The following ANXA8 variants were observed in gnomAD, a reference collection of about 807,000 sequenced individuals.
ANXA8 encodes VAC-beta.
In ANXA8, 9 loss-of-function variants were observed where a neutral mutation model predicts 26.8. That is an observed-to-expected ratio of 0.34 (90% CI 0.20 to 0.59). The LOEUF (loss-of-function observed/expected upper bound fraction) is 0.59. Ranked by LOEUF, ANXA8 falls within the 20% of genes least tolerant of loss-of-function variation. The pLI is 0.84. For missense variants in ANXA8, 83 were observed against 238.5 expected (o/e 0.35, Z 4.29); for synonymous variants, 39 against 94.8 (o/e 0.41, Z 3.42).
the ANXA8 span, among the ~76,000 whole-genome samples, chr10:47,705,678 TACAC>T: frequency 6.6e-6 from 1 of 151,704 alleles, no homozygotes; most frequent in East Asian, 1.9e-4. Flanking sequence ...TTTTTACACA[TACAC>T]AGGAATTTAT....
the ANXA8 span, among the ~76,000 whole-genome samples, chr10:47,951,278 A>G: frequency 6.6e-6 from 1 of 150,952 alleles, no homozygotes; most frequent in Non-Finnish European, 1.5e-5. Context: ...TAACCGTTAA[A>G]GAAATTAACT....
At chr10:47,682,849 G>A in the ANXA8 span, among the ~76,000 whole-genome samples, 75 of 152,044 alleles carry the variant, frequency 4.9e-4, no homozygotes, top group Non-Finnish European at 3.4e-4. Flanking sequence ...ATTGGGAGAA[G>A]GCAAATGCCC....
At chr10:47,733,213 C>CTTTCTT in the ANXA8 span, among the ~76,000 whole-genome samples, 180 of 68,470 alleles carry the variant, frequency 2.6e-3, 1 homozygote, top group Middle Eastern at 0.014. Flanking sequence ...TTCTTTCTTT[C>CTTTCTT]TTTCTTTCTC....
At chr10:47,955,312 G>T in the ANXA8 span, among the ~76,000 whole-genome samples, 1 of 149,710 alleles carries the variant, frequency 6.7e-6, no homozygotes, top group Non-Finnish European at 1.5e-5. Flanking sequence ...TCTTGGGTAT[G>T]TCTCTATCAG....
chr10:47,546,489 G>GC, the ANXA8 span, among the ~76,000 whole-genome samples: 1 of 118,532 alleles, frequency 8.4e-6, no homozygotes, highest in Non-Finnish European at 1.7e-5. Context: ...CGCAAGCTCC[G>GC]CCCCCCGGAT....
At chr10:47,639,314 ATT>A in the ANXA8 span, among the ~76,000 whole-genome samples, 10 of 75,350 alleles carry the variant, frequency 1.3e-4, no homozygotes, top group African/African-American at 3.2e-4. Flanking sequence ...TATTATTATT[ATT>A]TTTTTTTTTT....
At chr10:47,667,728 T>C in the ANXA8 span, among the ~76,000 whole-genome samples, 1 of 151,096 alleles carries the variant, frequency 6.6e-6, no homozygotes, top group Non-Finnish European at 1.5e-5. Flanking sequence ...AATTTTTGTT[T>C]TTTTGTTTTG....
the ANXA8 span, among the ~76,000 whole-genome samples, chr10:47,657,452 C>A: frequency 6.6e-6 from 1 of 151,864 alleles, no homozygotes; most frequent in Non-Finnish European, 1.5e-5. Flanking sequence ...TATAATAATT[C>A]ATATCCAAGC....
the ANXA8 span, among the ~76,000 whole-genome samples, chr10:47,655,531 G>C: frequency 6.6e-6 from 1 of 151,236 alleles, no homozygotes; most frequent in African/African-American, 2.5e-5. Flanking sequence ...GCTGAATAGG[G>C]AACAAATGAA....
At chr10:47,506,372 C>A in the ANXA8 span, among the ~76,000 whole-genome samples, 25 of 139,804 alleles carry the variant, frequency 1.8e-4, 2 homozygotes, top group South Asian at 2.1e-3. Context: ...TCTCTGTCAC[C>A]CAGGCTGGGG....
chr10:47,709,572 C>G, the ANXA8 span, among the ~76,000 whole-genome samples: 1 of 147,166 alleles, frequency 6.8e-6, no homozygotes, highest in Non-Finnish European at 1.5e-5. Context: ...AATTAAATAA[C>G]CAATCCAACA....
chr10:47,723,551 TC>T, the ANXA8 span, among the ~76,000 whole-genome samples: 1 of 119,550 alleles, frequency 8.4e-6, no homozygotes, highest in Non-Finnish European at 1.8e-5. Context: ...TCAGTCCACT[TC>T]CTCCTTCTTG....
At chr10:47,644,096 T>C in the ANXA8 span, among the ~76,000 whole-genome samples, 3 of 129,868 alleles carry the variant, frequency 2.3e-5, no homozygotes, top group Admixed American at 2.4e-4. Flanking sequence ...CTAGTTTTGT[T>C]AGCCACAGTT....
the ANXA8 span, among the ~76,000 whole-genome samples, chr10:47,657,979 A>C: frequency 6.6e-6 from 1 of 151,802 alleles, no homozygotes; most frequent in Non-Finnish European, 1.5e-5. Flanking sequence ...ACAGACCTTC[A>C]GAAGCTTCAT....
the ANXA8 span, among the ~76,000 whole-genome samples, chr10:47,743,327 T>TATATATATATAC: frequency 9.9e-3 from 398 of 40,258 alleles, 61 homozygotes; most frequent in Non-Finnish European, 0.016. Context: ...TATATATATA[T>TATATATATATAC]ACATATATAT....
At chr10:47,626,867 A>C in the ANXA8 span, among the ~76,000 whole-genome samples, 1 of 150,066 alleles carries the variant, frequency 6.7e-6, no homozygotes, top group Non-Finnish European at 1.5e-5. Flanking sequence ...TAGATGACTG[A>C]CCATTTTATT....
the ANXA8 span, chr10:47,710,501 T>C: frequency 1.5e-6 from 2 of 1,325,490 alleles, no homozygotes; most frequent in Non-Finnish European, 2.1e-6. Flanking sequence ...GTTATCACTA[T>C]ATATGTATCA....
the ANXA8 span, among the ~76,000 whole-genome samples, chr10:47,937,571 T>G: frequency 7.1e-6 from 1 of 140,294 alleles, no homozygotes; most frequent in African/African-American, 2.6e-5. Flanking sequence ...ACTCAGGTAC[T>G]GAGCCTAGTA....
At chr10:47,498,095 T>C in the ANXA8 span, among the ~76,000 whole-genome samples, 46,031 of 124,988 alleles carry the variant, frequency 0.37, 8,062 homozygotes, top group East Asian at 0.66. Flanking sequence ...AACCAATCTC[T>C]GGAACTTTTT....
Sources: gnomAD v4.1 joint callset for allele counts (sites outside exome capture counted in the v4.1 genomes callset) on GRCh38, gnomAD v4.1.1 for gene constraint, MANE v1.5 for transcripts, NCBI Gene and HGNC (gene_info 2026-07-23, HGNC 2026-07-21) for gene names.